Variants in PKNOX2 observed in about 807,000 individuals in gnomAD.
The protein encoded by PKNOX2 is PBX/knotted 1 homeobox 2.
PKNOX2 carries 14 observed loss-of-function variants against 53.1 expected under a neutral mutation model. The observed-to-expected ratio is 0.26, with a 90% CI of 0.17 to 0.41. PKNOX2 has a LOEUF of 0.41. PKNOX2 is among the 10% of genes least tolerant of loss of function. The pLI is 1.00. For synonymous variants in PKNOX2, 257 were observed against 242.8 expected, an observed-to-expected ratio of 1.06 and a Z score of -0.54; for missense variants, 496 against 602.8, an observed-to-expected ratio of 0.82 and a Z score of 1.85.
intron 2 of PKNOX2, among the ~76,000 whole-genome samples, chr11:125,253,600 C>G (rs761896898): frequency 1.3e-5 from 2 of 152,124 alleles, no homozygotes; most frequent in Non-Finnish European, 2.9e-5. Flanking sequence ...GTGATAGCAC[C>G]GCTGATTTGT....
At chr11:125,310,457 T>C (rs560156880) in intron 2 of PKNOX2, among the ~76,000 whole-genome samples, 234 of 151,606 alleles carry the variant, frequency 1.5e-3, no homozygotes, top group Admixed American at 0.013. Flanking sequence ...ATCCTACCAC[T>C]GCACTCCAGC....
intron 3 of PKNOX2, among the ~76,000 whole-genome samples, chr11:125,335,834 C>A (rs1476820551): frequency 6.6e-6 from 1 of 151,850 alleles, no homozygotes; most frequent in Non-Finnish European, 1.5e-5. Flanking sequence ...AACAAACAAG[C>A]AAGCAAATAA....
intron 2 of PKNOX2, among the ~76,000 whole-genome samples, chr11:125,274,643 C>T (rs959149819): frequency 6.6e-6 from 1 of 152,234 alleles, no homozygotes; most frequent in African/African-American, 2.4e-5. Flanking sequence ...GAGGACTTGA[C>T]CTGAGGCTGG....
Position 125,431,195 on chromosome 11 carries a change from CTGTCCTCAGACAGTGCCACCA to C in PKNOX2, c.1225_1245del (p.Ser409_Met415del), listed in dbSNP as rs1354260566. 1 of 1,613,650 alleles carries C rather than the reference CTGTCCTCAGACAGTGCCACCA, an allele frequency of 6.2e-7. No individual in the cohort carries two copies. The highest frequency in any genetic ancestry group is 1.3e-5 in the African/African-American group (1 of 74,930). ...CATCAACTTGGACAACCTGCAGTCC[CTGTCCTCAGACAGTGCCACCA>C]TGGCCATGCAGCAGGCTATGATGGC... On this transcript the variant is annotated inframe_deletion, in exon 13 of 13. Coordinates refer to ENST00000298282, the MANE Select transcript of PKNOX2 (RefSeq NM_001382323.2).
intron 1 of PKNOX2, chr11:125,188,203 T>C (rs529779444): frequency 6.0e-4 from 92 of 152,318 alleles, no homozygotes; most frequent in African/African-American, 2.2e-3. Flanking sequence ...AGTTTTCTGA[T>C]TTGTGAGTGG....
At chr11:125,210,974 T>C (rs1591482085) in intron 1 of PKNOX2, among the ~76,000 whole-genome samples, 1 of 152,144 alleles carries the variant, frequency 6.6e-6, no homozygotes, top group East Asian at 1.9e-4. Flanking sequence ...ATCCATAACA[T>C]GTGAATAATA....
At chr11:125,356,118 A>G (rs1037254517) in intron 4 of PKNOX2, among the ~76,000 whole-genome samples, 3 of 150,248 alleles carry the variant, frequency 2.0e-5, no homozygotes, top group African/African-American at 4.9e-5. Context: ...CAAGACAAAT[A>G]TTGTATCTGG....
intron 2 of PKNOX2, among the ~76,000 whole-genome samples, chr11:125,316,210 G>A (rs991384390): frequency 2.6e-5 from 4 of 152,260 alleles, no homozygotes; most frequent in Non-Finnish European, 4.4e-5. Flanking sequence ...TTTAGTGGTC[G>A]TCCATCCACC....
chr11:125,230,202 C>A (rs1256197953), intron 1 of PKNOX2, among the ~76,000 whole-genome samples: 1 of 152,182 alleles, frequency 6.6e-6, no homozygotes, highest in African/African-American at 2.4e-5. Flanking sequence ...TTGAGGAAGG[C>A]CGTGCAGTAC....
intron 2 of PKNOX2, among the ~76,000 whole-genome samples, chr11:125,310,904 C>T (rs950021274): frequency 6.6e-6 from 1 of 152,010 alleles, no homozygotes; most frequent in Non-Finnish European, 1.5e-5. Context: ...TTCCTTCTGT[C>T]GTCTGGTAAC....
intron 1 of PKNOX2, among the ~76,000 whole-genome samples, chr11:125,207,400 G>A (rs1392235574): frequency 2.0e-5 from 3 of 152,020 alleles, no homozygotes; most frequent in African/African-American, 7.2e-5. Context: ...AGCCCATGAC[G>A]GGTGTATAAG....
chr11:125,289,584 C>T (rs1010773547), intron 2 of PKNOX2, among the ~76,000 whole-genome samples: 7 of 152,206 alleles, frequency 4.6e-5, no homozygotes, highest in African/African-American at 1.7e-4. Flanking sequence ...TCTCCCTGAG[C>T]TTTCAGGCTC....
chr11:125,317,955 C>T (rs59841429), intron 2 of PKNOX2, among the ~76,000 whole-genome samples: 3,395 of 152,238 alleles, frequency 0.022, 126 homozygotes, highest in African/African-American at 0.075. Flanking sequence ...TTTACTGTAG[C>T]CTTCATCAGT....
chr11:125,204,889 C>T (rs572577747), intron 1 of PKNOX2, among the ~76,000 whole-genome samples: 6 of 152,300 alleles, frequency 3.9e-5, no homozygotes, highest in South Asian at 4.1e-4. Flanking sequence ...GTGTGATTGG[C>T]TCTCAGAGAA....
intron 5 of PKNOX2, among the ~76,000 whole-genome samples, chr11:125,371,358 C>A (rs1000115278): frequency 6.6e-6 from 1 of 152,096 alleles, no homozygotes; most frequent in Non-Finnish European, 1.5e-5. Flanking sequence ...CCTCCCCCAG[C>A]CCCCACCTCA....
In PKNOX2 at chr11:125,352,509, G is replaced by T. The variant is rs1203923505; in HGVS notation, c.87+1117G>T. On this transcript the variant is annotated intron_variant, in intron 4 of 12. Coordinates refer to ENST00000298282, the MANE Select transcript of PKNOX2 (RefSeq NM_001382323.2). The surrounding 1 kb of genome is among the most constrained non-coding windows in gnomAD (Gnocchi z 4.1). The stretch of plus-strand genomic sequence containing the variant: ...ACGGAAGATTTGTGCAGCATGAAAG[G>T]GGTCTTAAGATGCAGATGCCAGGCT... Among the ~76,000 whole-genome samples the T allele has an allele frequency of 1.3e-5, 2 of 152,156 alleles. No homozygotes were observed. Among genetic ancestry groups the T allele is most frequent in the South Asian group, 2.1e-4 (1 of 4,824 alleles).
intron 2 of PKNOX2, among the ~76,000 whole-genome samples, chr11:125,288,312 C>T (rs566182034): frequency 2.1e-4 from 32 of 152,282 alleles, no homozygotes; most frequent in African/African-American, 7.5e-4. Flanking sequence ...GAGCCTTACC[C>T]GAGATCACTA....
intron 1 of PKNOX2, among the ~76,000 whole-genome samples, chr11:125,212,449 C>CTTT (rs796083611): frequency 1.6e-4 from 17 of 105,390 alleles, no homozygotes; most frequent in African/African-American, 4.5e-4. Context: ...GGAGGGGATT[C>CTTT]TTTTTTTTTT....
chr11:125,324,637 G>A (rs1949728635), intron 2 of PKNOX2, among the ~76,000 whole-genome samples: 1 of 152,202 alleles, frequency 6.6e-6, no homozygotes, highest in Admixed American at 6.5e-5. Flanking sequence ...TGCAGCCTGT[G>A]GAGGATGCAG....
Sources: gnomAD v4.1 joint callset for allele counts (sites outside exome capture counted in the v4.1 genomes callset) on GRCh38, gnomAD v4.1.1 for gene constraint, Gnocchi (gnomAD v3.1) non-coding constraint, MANE v1.5 for transcripts, NCBI Gene and HGNC (gene_info 2026-07-23, HGNC 2026-07-21) for gene names.